The following CMTR1 variants were observed in gnomAD, a reference collection of about 807,000 sequenced individuals.
CMTR1 encodes the protein cap methyltransferase 1.
In CMTR1, 39 loss-of-function variants were observed where a neutral mutation model predicts 107.0. The observed-to-expected ratio is 0.36, with a 90% CI of 0.28 to 0.48. The LOEUF (loss-of-function observed/expected upper bound fraction) is 0.48. Among genes scored for constraint, CMTR1 ranks in the 20% least tolerant of loss-of-function variants. The pLI is 0.99. For synonymous variants in CMTR1, 366 were observed against 379.5 expected (o/e 0.96, Z 0.41); for missense variants, 672 against 1,064.9 (o/e 0.63, Z 5.14).
chr6:37,453,039 C>T lies in CMTR1; in HGVS notation c.610-8C>T, dbSNP rs578004820. 1,608 of 1,613,862 alleles carry T rather than the reference C, an allele frequency of 1.0e-3. 33 individuals are homozygous for T. The South Asian group carries it at 0.017, about 17-fold the overall frequency. On this transcript the variant is annotated splice_polypyrimidine_tract_variant and splice_region_variant and intron_variant, in intron 6 of 23. Transcript: ENST00000373451. ...GAATTCACCTTGAGGTTCTGATTCT[C>T]TGGGCAGAGCGTGTTTGATGTCTTG...
At chr6:37,457,068 A>AG (rs1206114766) in intron 8 of CMTR1, among the ~76,000 whole-genome samples, 1 of 151,960 alleles carries the variant, frequency 6.6e-6, no homozygotes, top group East Asian at 1.9e-4. Context: ...AAAAAAAAAA[A>AG]AATTTGTTGA....
chr6:37,475,898 C>G, intron 19 of CMTR1: 1 of 553,592 alleles, frequency 1.8e-6, no homozygotes, highest in Non-Finnish European at 3.3e-6. Context: ...GAAAACCAAC[C>G]GACATAGTGA....
rs1464163751 is a variant in CMTR1, at chr6:37,471,884, G to A, written c.1600G>A (p.Glu534Lys). 1.1e-5 allele frequency: 18 copies of A among 1,613,564 alleles called. No homozygotes were observed. The highest frequency in any genetic ancestry group is 1.5e-5 in the Non-Finnish European group (18 of 1,179,936). The change falls in exon 15 of 24, where the codon GAG becomes AAG. Residue 534 changes from glutamate to lysine, a missense_variant. Around this residue, in one of 2 missense-constraint regions of CMTR1, gnomAD observed 583 missense variants for 968.4 expected, o/e 0.60. Transcript: ENST00000373451. ...SEPRQAEIRK[E>K]CLRLWGIPDQ... ...GCCTCGACAGGCAGAGATACGGAAG[G>A]AGTGCCTCCGACTCTGGGGGGTGAG... is the stretch of plus-strand genomic sequence containing the variant.
chr6:37,439,689 G>A (rs1343223596), intron 2 of CMTR1, among the ~76,000 whole-genome samples: 2 of 152,218 alleles, frequency 1.3e-5, no homozygotes, highest in Non-Finnish European at 2.9e-5. Context: ...TCGTTAAGCA[G>A]GATGTGATGT....
chr6:37,443,241 G>T (rs1020750556), intron 2 of CMTR1, among the ~76,000 whole-genome samples: 1 of 152,126 alleles, frequency 6.6e-6, no homozygotes, highest in Non-Finnish European at 1.5e-5. Context: ...TAATGGAATC[G>T]TTGAAAATGG....
intron 10 of CMTR1, among the ~76,000 whole-genome samples, chr6:37,459,929 A>T (rs904933694): frequency 6.6e-6 from 1 of 152,236 alleles, no homozygotes; most frequent in African/African-American, 2.4e-5. Context: ...GAGGCTGTCT[A>T]TACATGGTCA....
At chr6:37,447,414 G>A (rs1326244285) in intron 4 of CMTR1, among the ~76,000 whole-genome samples, 1 of 152,204 alleles carries the variant, frequency 6.6e-6, no homozygotes, top group Non-Finnish European at 1.5e-5. Flanking sequence ...TGGCAATGCG[G>A]AACAGGGTAG....
At chr6:37,435,970 T>A (rs1304842117) in intron 2 of CMTR1, among the ~76,000 whole-genome samples, 1 of 152,190 alleles carries the variant, frequency 6.6e-6, no homozygotes, top group Non-Finnish European at 1.5e-5. Context: ...AAATAAAAAA[T>A]GGTAATTTTT....
chr6:37,458,967 C>G lies in CMTR1; in HGVS notation c.976+157C>G, dbSNP rs1211318199. 6.6e-6 allele frequency among the ~76,000 whole-genome samples: 1 copy of G among 152,236 alleles called. No homozygotes were observed. Among genetic ancestry groups the G allele is most frequent in the African/African-American group, 2.4e-5 (1 of 41,456 alleles). ...TGTCAGAATCTTGGTTCCCTCTGGACTATCCCTTTTTACCCTGGGCCTGCA... is the reference window on the plus strand; with the variant it reads ...TGTCAGAATCTTGGTTCCCTCTGGAGTATCCCTTTTTACCCTGGGCCTGCA... On this transcript the variant is annotated intron_variant, in intron 9 of 23. Coordinates refer to ENST00000373451, the MANE Select transcript of CMTR1 (RefSeq NM_015050.3). This position sits in a 1 kb window ranked among gnomAD's most constrained non-coding sequence, Gnocchi z 4.7.
chr6:37,471,901 G>A lies in CMTR1; in HGVS notation c.1617G>A (p.Trp539Ter). Residue 539 changes from tryptophan (W) to a stop codon, truncating the protein, a stop_gained, in exon 15 of 24, where the codon TGG becomes TGA. Coordinates refer to ENST00000373451, the MANE Select transcript of CMTR1 (RefSeq NM_015050.3). LOFTEE classifies it high-confidence loss of function. The part of the protein sequence containing the change: ...AEIRKECLRL[W>*]GIPDQARVAP... ...TACGGAAGGAGTGCCTCCGACTCTG[G>A]GGGGTGAGTATCTCCCCCGCCCATT... is the stretch of plus-strand genomic sequence containing the variant. 6.2e-7 allele frequency: 1 copy of A among 1,613,122 alleles called. No individual in the cohort carries two copies. The highest frequency in any genetic ancestry group is 1.1e-5 in the South Asian group (1 of 90,952).
chr6:37,475,547 CCACT>C, intron 19 of CMTR1, 135 bp downstream of exon 19: 2 of 724,818 alleles, frequency 2.8e-6, no homozygotes, highest in South Asian at 1.8e-5. Flanking sequence ...CCCCTCCCAC[CCACT>C]GACTGGTCCC....
rs976488771 is a variant in CMTR1 at position 37,480,965 on chromosome 6, G to C, written c.*820G>C. On this transcript the variant is annotated 3_prime_UTR_variant, in exon 24 of 24. Transcript: ENST00000373451. ...TTCCCCCACAGCAGCAGGGGCCCCA[G>C]CAGTAACAAAGGGTACCTCCAGGGG... 1.4e-4 allele frequency: 173 copies of C among 1,267,688 alleles called. 2 individuals carry two copies. The South Asian group carries it at 1.9e-3, about 14-fold the overall frequency. The allele number at this position is 1,267,688 out of a possible 1,614,324, so 78.5% of individuals were successfully genotyped here. A position where few individuals can be genotyped will look rare whatever the true frequency, so the allele number is the denominator to read the frequency against.
intron 18 of CMTR1, 139 bp downstream of exon 18, chr6:37,474,785 A>G (rs1193218065): frequency 1.1e-5 from 14 of 1,306,190 alleles, no homozygotes; most frequent in Non-Finnish European, 1.5e-5. Context: ...AGGGTTTATA[A>G]TGACTCCTCC....
intron 13 of CMTR1, among the ~76,000 whole-genome samples, chr6:37,468,960 T>G (rs1470397591): frequency 6.6e-6 from 1 of 152,140 alleles, no homozygotes; most frequent in Non-Finnish European, 1.5e-5. Context: ...TCCCAGCACT[T>G]TGGGAGGCCA....
intron 13 of CMTR1, among the ~76,000 whole-genome samples, chr6:37,469,093 C>T (rs1286047847): frequency 6.6e-6 from 1 of 151,888 alleles, no homozygotes; most frequent in Non-Finnish European, 1.5e-5. Context: ...CGAGATCGTG[C>T]CACTGCACTC....
chr6:37,446,398 A>C lies in CMTR1; in HGVS notation c.393A>C (p.Thr131=), dbSNP rs750060820. 1 of 1,614,022 alleles carries C rather than the reference A, an allele frequency of 6.2e-7. No individual in the cohort carries two copies. Among genetic ancestry groups the C allele is most frequent in the East Asian group, 2.2e-5 (1 of 44,878 alleles). Residue 131 remains threonine, a synonymous_variant, in exon 4 of 24, where the codon ACA becomes ACC. Coordinates refer to ENST00000373451, the MANE Select transcript of CMTR1 (RefSeq NM_015050.3). ...AAGGTCGAAGAGGCTTGGGTCTGAC[A>C]CTCCGGGGCTTTGACCAGGAGCTGA... is the stretch of plus-strand genomic sequence containing the variant. The part of the protein sequence containing the change: ...SQKGRRGLGL[T]LRGFDQELNV...
chr6:37,454,674 A>G (rs1379114589), intron 8 of CMTR1, among the ~76,000 whole-genome samples: 1 of 152,214 alleles, frequency 6.6e-6, no homozygotes, highest in Admixed American at 6.5e-5. Context: ...TTAGTTACAT[A>G]GGAAAAGGCA....
Position 37,471,899 on chromosome 6 carries a change from T to G in CMTR1, c.1615T>G (p.Trp539Gly). The G allele has an allele frequency of 6.2e-7, 1 of 1,613,228 alleles. No homozygotes were observed. Among genetic ancestry groups the G allele is most frequent in the African/African-American group, 1.3e-5 (1 of 74,980 alleles). Residue 539 changes from tryptophan (W) to glycine (G), a missense_variant, in exon 15 of 24, where the codon TGG becomes GGG. Transcript: ENST00000373451. ...AEIRKECLRL[W>G]GIPDQARVAP... Reference sequence around the variant, plus strand: ...GATACGGAAGGAGTGCCTCCGACTCTGGGGGGTGAGTATCTCCCCCGCCCA... The same window carrying G: ...GATACGGAAGGAGTGCCTCCGACTCGGGGGGGTGAGTATCTCCCCCGCCCA...
chr6:37,441,137 T>G (rs1029160329), intron 2 of CMTR1, among the ~76,000 whole-genome samples: 34 of 152,164 alleles, frequency 2.2e-4, no homozygotes, highest in African/African-American at 4.8e-5. Flanking sequence ...GTTTCTGTAT[T>G]AAGTAGTACA....
Sources: gnomAD v4.1 joint callset for allele counts (sites outside exome capture counted in the v4.1 genomes callset) on GRCh38, gnomAD v4.1.1 for gene constraint, gnomAD v4.1.1 regional missense constraint, Gnocchi (gnomAD v3.1) non-coding constraint, MANE v1.5 for transcripts, NCBI Gene and HGNC (gene_info 2026-07-23, HGNC 2026-07-21) for gene names.